The following STPG2 variants were observed in gnomAD, a reference collection of about 807,000 sequenced individuals.
The protein encoded by STPG2 is sperm tail PG-rich repeat containing 2, also known as sperm-tail PG-rich repeat-containing protein 2.
A neutral mutation model predicts 54.2 loss-of-function variants in STPG2; 56 were observed. The ratio of observed to expected loss-of-function variants is 1.03; its 90% CI spans 0.83 to 1.29. The LOEUF (loss-of-function observed/expected upper bound fraction) is 1.29, where lower values mean the gene tolerates loss of function less well. STPG2 is among the 50% of genes most tolerant of loss of function. The pLI is 0.00. For missense variants in STPG2, 596 were observed against 544.9 expected, an observed-to-expected ratio of 1.09 and a Z score of -0.93; for synonymous variants, 200 against 181.8, an observed-to-expected ratio of 1.10 and a Z score of -0.81.
At chr4:97,813,045 T>C (rs928729255) in intron 9 of STPG2, among the ~76,000 whole-genome samples, 30 of 152,246 alleles carry the variant, frequency 2.0e-4, no homozygotes, top group African/African-American at 5.8e-4. Context: ...CAAGTTCTGT[T>C]ACCTCTACTT....
intron 4 of STPG2, among the ~76,000 whole-genome samples, chr4:97,503,471 T>C (rs368874971): frequency 2.7e-4 from 41 of 151,872 alleles, no homozygotes; most frequent in African/African-American, 9.2e-4. Flanking sequence ...TTGCAGCCAA[T>C]ATTCTAGTGT....
chr4:97,591,493 T>C (rs1733145541), intron 10 of STPG2, among the ~76,000 whole-genome samples: 1 of 152,170 alleles, frequency 6.6e-6, no homozygotes, highest in South Asian at 2.1e-4. Flanking sequence ...GAAAGGAAGT[T>C]TTAGCAGTTT....
chr4:97,722,668 A>G (rs1724485177), intron 9 of STPG2, among the ~76,000 whole-genome samples: 2 of 152,114 alleles, frequency 1.3e-5, no homozygotes, highest in Admixed American at 1.3e-4. Context: ...TATTGAAAAT[A>G]ATAAAATAAG....
intron 10 of STPG2, among the ~76,000 whole-genome samples, chr4:97,620,986 C>G (rs1419999343): frequency 6.6e-6 from 1 of 152,030 alleles, no homozygotes; most frequent in Non-Finnish European, 1.5e-5. Flanking sequence ...GAAAATTGCT[C>G]AAAACTATAT....
intron 5 of STPG2, among the ~76,000 whole-genome samples, chr4:98,078,275 A>C (rs139465213): frequency 6.6e-6 from 1 of 152,272 alleles, no homozygotes; most frequent in South Asian, 2.1e-4. Flanking sequence ...GGGAATTTTC[A>C]TAATATATTT....
chr4:97,480,677 T>C (rs1290396179), intron 4 of STPG2, among the ~76,000 whole-genome samples: 1 of 151,580 alleles, frequency 6.6e-6, no homozygotes, highest in Non-Finnish European at 1.5e-5. Flanking sequence ...TCCCTGTGAC[T>C]AATAATGTTA....
At chr4:98,103,153 A>C (rs1739094122) in intron 5 of STPG2, among the ~76,000 whole-genome samples, 1 of 151,982 alleles carries the variant, frequency 6.6e-6, no homozygotes, top group African/African-American at 2.4e-5. Context: ...CTTTTTAATT[A>C]ACATGTTCAT....
chr4:97,768,712 T>C (rs1443390714), intron 9 of STPG2, among the ~76,000 whole-genome samples: 1 of 152,092 alleles, frequency 6.6e-6, no homozygotes, highest in Non-Finnish European at 1.5e-5. Context: ...CTCTTTTTTT[T>C]TTTTCCCAAG....
At chr4:98,026,392 T>C (rs1736422135) in intron 5 of STPG2, among the ~76,000 whole-genome samples, 1 of 152,234 alleles carries the variant, frequency 6.6e-6, no homozygotes, top group Admixed American at 6.5e-5. Flanking sequence ...CTCTTTGGCC[T>C]AGGTTTTACT....
At chr4:97,709,399 A>G (rs939943695) in intron 10 of STPG2, among the ~76,000 whole-genome samples, 3 of 151,534 alleles carry the variant, frequency 2.0e-5, no homozygotes, top group Admixed American at 6.6e-5. Context: ...ATATTGTCCT[A>G]CCCAATTCTG....
intron 9 of STPG2, among the ~76,000 whole-genome samples, chr4:97,789,587 T>C (rs1726930253): frequency 1.3e-5 from 2 of 152,206 alleles, no homozygotes; most frequent in Non-Finnish European, 2.9e-5. Context: ...ACACTTACTA[T>C]ATTCAAATTT....
chr4:97,741,101 AT>A (rs1257361047), intron 9 of STPG2, among the ~76,000 whole-genome samples: 21 of 152,216 alleles, frequency 1.4e-4, no homozygotes, highest in Non-Finnish European at 2.9e-5. Flanking sequence ...TGAGAAAAAT[AT>A]GCAATAGGGA....
rs140732462 is a variant in STPG2, at chr4:98,040,577, T to C, written c.613-59259A>G. Reference sequence around the variant, plus strand: ...CGGCACCATTTATTGACTAAGGACCTTTTCCCTATATATGTTTTTGTTGAC... The same window carrying C: ...CGGCACCATTTATTGACTAAGGACCCTTTCCCTATATATGTTTTTGTTGAC... On this transcript the variant is annotated intron_variant, in intron 5 of 10. Coordinates refer to ENST00000295268, the MANE Select transcript of STPG2 (RefSeq NM_174952.3). 9.1e-3 allele frequency among the ~76,000 whole-genome samples: 1,375 copies of C among 151,816 alleles called. 26 individuals carry two copies. Among genetic ancestry groups the C allele is most frequent in the African/African-American group, 0.031 (1,293 of 41,474 alleles).
At chr4:97,777,925 CA>C (rs1726433763) in intron 9 of STPG2, among the ~76,000 whole-genome samples, 1 of 151,854 alleles carries the variant, frequency 6.6e-6, no homozygotes, top group Non-Finnish European at 1.5e-5. Context: ...ATCTATCAAT[CA>C]GGGGGGTGGT....
chr4:97,859,440 C>T (rs1427874262), intron 8 of STPG2, among the ~76,000 whole-genome samples: 1 of 150,546 alleles, frequency 6.6e-6, no homozygotes, highest in Non-Finnish European at 1.5e-5. Context: ...TGTTTTGTTG[C>T]ATTTACTTTT....
At chr4:97,637,173 C>T (rs1018756115) in intron 10 of STPG2, among the ~76,000 whole-genome samples, 1 of 152,308 alleles carries the variant, frequency 6.6e-6, no homozygotes, top group African/African-American at 2.4e-5. Flanking sequence ...CCCTGGGATG[C>T]AAGGCTGGTT....
rs370528511 is a variant in STPG2 at position 97,460,425 on chromosome 4, C to CT, written c.462+252273dup. ...TGACATAGACATTTGAATTATTTTT[C>CT]TTTTTTTTTTATTTTTATTTTTTGT... On this transcript the variant is annotated intron_variant, in intron 4 of 4. Transcript: ENST00000522676. 2.5e-3 allele frequency among the ~76,000 whole-genome samples: 364 copies of CT among 147,908 alleles called. 1 individual carries two copies. The highest frequency in any genetic ancestry group is 7.6e-3 in the African/African-American group (307 of 40,320).
At chr4:97,450,775 A>G (rs1295629955) in intron 4 of STPG2, among the ~76,000 whole-genome samples, 1 of 152,222 alleles carries the variant, frequency 6.6e-6, no homozygotes, top group East Asian at 1.9e-4. Flanking sequence ...AGGCCATTAA[A>G]GTTTATTACA....
intron 5 of STPG2, among the ~76,000 whole-genome samples, chr4:98,016,918 T>A (rs190136548): frequency 2.2e-4 from 34 of 152,198 alleles, no homozygotes; most frequent in Admixed American, 2.2e-3. Context: ...GGAACATCCA[T>A]CATTACTCAG....
Sources: allele counts gnomAD v4.1 joint callset (sites outside exome capture counted in the v4.1 genomes callset), GRCh38; gene constraint gnomAD v4.1.1; transcripts MANE v1.5; gene names NCBI Gene and HGNC (gene_info 2026-07-23, HGNC 2026-07-21).